Variants in NT5C1B observed in about 807,000 individuals in gnomAD.
NT5C1B encodes cytosolic 5'-nucleotidase 1B.
In NT5C1B, 44 loss-of-function variants were observed where a neutral mutation model predicts 57.8. That is an observed-to-expected ratio of 0.76 (90% CI 0.60 to 0.98). The LOEUF (loss-of-function observed/expected upper bound fraction) is 0.98, where lower values mean the gene tolerates loss of function less well. NT5C1B is among the 50% of genes least tolerant of loss of function. The pLI, the probability that NT5C1B is intolerant of heterozygous loss-of-function variation, is 0.00. For missense variants in NT5C1B, 742 were observed against 719.5 expected (o/e 1.03, Z -0.36); for synonymous variants, 284 against 282.6 (o/e 1.00, Z -0.05).
chr2:18,563,673 T>C (rs1015627881), exon 9 of NT5C1B: 1 of 1,154,198 alleles, frequency 8.7e-7, no homozygotes, highest in Non-Finnish European at 1.2e-6. Flanking sequence ...GGAGAAAACC[T>C]TTCCAAAGAA....
intron 6 of NT5C1B, among the ~76,000 whole-genome samples, chr2:18,580,803 C>T (rs1026159999): frequency 6.6e-6 from 1 of 152,084 alleles, no homozygotes; most frequent in Non-Finnish European, 1.5e-5. Flanking sequence ...ATGGATGGAG[C>T]TGGAGGCTAT....
chr2:18,578,419 T>C (rs73226374), intron 6 of NT5C1B, among the ~76,000 whole-genome samples: 29,558 of 151,998 alleles, frequency 0.19, 5,874 homozygotes, highest in African/African-American at 0.51. Context: ...GCTAGTCTAC[T>C]GTGATCAAGT....
intron 3 of NT5C1B, 47 bp downstream of exon 3, chr2:18,586,207 T>C: frequency 6.3e-7 from 1 of 1,596,886 alleles, no homozygotes; most frequent in Non-Finnish European, 8.6e-7. Context: ...ATGTTAACCA[T>C]TGTTATTATT....
In NT5C1B at chr2:18,584,492, C is replaced by G. The variant is rs201112506; in HGVS notation, c.723+22G>C. The stretch of plus-strand genomic sequence containing the variant: ...CTGCAAGGAAGGGCGCCCCGGCTGC[C>G]AGGGGCGGCGGGCTGGCTCACCGGC... On this transcript the variant is annotated intron_variant, in intron 4 of 8. Coordinates refer to ENST00000304081, the Ensembl canonical transcript of NT5C1B. This position sits in a 1 kb window ranked among gnomAD's most constrained non-coding sequence, Gnocchi z 5.8. The G allele has an allele frequency of 2.0e-5, 32 of 1,600,684 alleles. No homozygotes were observed. The Admixed American group carries it at 4.6e-4, about 23-fold the overall frequency.
At chr2:18,587,787 T>TTA (rs778436467) in intron 1 of NT5C1B, among the ~76,000 whole-genome samples, 195 bp from the exon 2 acceptor site, 6 of 152,226 alleles carry the variant, frequency 3.9e-5, no homozygotes, top group Non-Finnish European at 7.3e-5. Flanking sequence ...TTAAAAAGAA[T>TTA]TATATAAACA....
At chr2:18,574,204 T>C (rs189300462) in intron 8 of NT5C1B, among the ~76,000 whole-genome samples, 1 of 152,124 alleles carries the variant, frequency 6.6e-6, no homozygotes, top group East Asian at 1.9e-4. Flanking sequence ...CAAATGTCAA[T>C]GGGTATATGA....
At chr2:18,587,207 G>A in intron 2 of NT5C1B, 3 of 1,589,934 alleles carry the variant, frequency 1.9e-6, no homozygotes, top group Non-Finnish European at 1.7e-6. Flanking sequence ...TCAATGCCAT[G>A]GCCAGACCCC....
chr2:18,568,581 G>A (rs1403629291), intron 8 of NT5C1B, among the ~76,000 whole-genome samples: 2 of 152,070 alleles, frequency 1.3e-5, no homozygotes, highest in African/African-American at 2.4e-5. Flanking sequence ...TTTACTAGAC[G>A]GTATTTAATT....
At chr2:18,587,293 A>C (rs1666807711) in intron 2 of NT5C1B, 1 of 1,481,420 alleles carries the variant, frequency 6.8e-7, no homozygotes, top group African/African-American at 1.4e-5. Context: ...GTGGTTCCAC[A>C]CATTCGAAGT....
At chr2:18,585,872 A>G (rs1012024676) in intron 3 of NT5C1B, among the ~76,000 whole-genome samples, 1 of 152,068 alleles carries the variant, frequency 6.6e-6, no homozygotes, top group Admixed American at 6.5e-5. Flanking sequence ...AGGCCTAATT[A>G]AAAACTCAAA....
exon 9 of NT5C1B, chr2:18,563,718 A>C (rs1664378933): frequency 7.3e-7 from 1 of 1,373,080 alleles, no homozygotes; most frequent in Non-Finnish European, 9.6e-7. Context: ...TGAAATACCT[A>C]TCTAATTATC....
chr2:18,563,767 T>C, exon 9 of NT5C1B: 1 of 1,493,274 alleles, frequency 6.7e-7, no homozygotes, highest in Non-Finnish European at 9.0e-7. Context: ...AACACCAGAC[T>C]ATCACCACTT....
At chr2:18,589,480 T>C in exon 1 of NT5C1B, 2 of 1,614,038 alleles carry the variant, frequency 1.2e-6, no homozygotes, top group Admixed American at 3.3e-5. Flanking sequence ...TTTTTACCTG[T>C]TGAAATTCTT....
chr2:18,564,419 G>C (rs1453122940), intron 8 of NT5C1B, among the ~76,000 whole-genome samples: 1 of 152,170 alleles, frequency 6.6e-6, no homozygotes, highest in African/African-American at 2.4e-5. Context: ...CAGGACAACA[G>C]ACATAAACTA....
chr2:18,574,180 C>G (rs1665458975), intron 8 of NT5C1B, among the ~76,000 whole-genome samples: 1 of 152,020 alleles, frequency 6.6e-6, no homozygotes, highest in Admixed American at 6.6e-5. Flanking sequence ...AGACATTTCT[C>G]TAAAGAACAC....
At chr2:18,563,181 A>G (rs796669133) in exon 9 of NT5C1B, 2 of 152,140 alleles carry the variant, frequency 1.3e-5, no homozygotes, top group South Asian at 4.1e-4. Context: ...AATAATTTTC[A>G]GAGAACCTTT....
chr2:18,588,885 C>T (rs563608663), intron 1 of NT5C1B, among the ~76,000 whole-genome samples: 6 of 152,200 alleles, frequency 3.9e-5, no homozygotes, highest in Non-Finnish European at 8.8e-5. Context: ...TCACTCTATA[C>T]TTTATCACTA....
Position 18,564,104 on chromosome 2 carries a change from A to G in NT5C1B, c.1345T>C (p.Phe449Leu), listed in dbSNP as rs533460102. Residue 449 changes from phenylalanine (F) to leucine (L), a missense_variant, in exon 9 of 9, where the codon TTT (phenylalanine) becomes CTT (leucine). Transcript: ENST00000304081. ...TGCAGTCTGCCTAAATCTTCCAGAA[A>G]GCCTTTTAGGGGACCCTGTAAAAGG... 46 of 1,579,928 alleles carry G rather than the reference A, an allele frequency of 2.9e-5. No homozygotes were observed. Among genetic ancestry groups the G allele is most frequent in the Non-Finnish European group, 3.6e-5 (42 of 1,160,494 alleles).
intron 6 of NT5C1B, among the ~76,000 whole-genome samples, chr2:18,579,190 A>G (rs774642685): frequency 2.6e-5 from 4 of 152,222 alleles, no homozygotes; most frequent in Non-Finnish European, 5.9e-5. Flanking sequence ...GGAAGAATCA[A>G]TTTTGTTAAA....
Sources: gnomAD v4.1 joint callset for allele counts (sites outside exome capture counted in the v4.1 genomes callset) on GRCh38, gnomAD v4.1.1 for gene constraint, Gnocchi (gnomAD v3.1) non-coding constraint, MANE v1.5 for transcripts, NCBI Gene and HGNC (gene_info 2026-07-23, HGNC 2026-07-21) for gene names.